The following DLG5 variants were observed in gnomAD, a reference collection of about 807,000 sequenced individuals.
DLG5 encodes discs large MAGUK scaffold protein 5.
Under a neutral mutation model 189.8 loss-of-function variants are expected in DLG5, and 48 were observed. That is an observed-to-expected ratio of 0.25 (90% CI 0.20 to 0.32). The LOEUF is 0.32. Among genes scored for constraint, DLG5 ranks in the 10% least tolerant of loss-of-function variants. The pLI, the probability that DLG5 is intolerant of heterozygous loss-of-function variation, is 1.00. For synonymous variants in DLG5, 1,016 were observed against 1,054.1 expected, an observed-to-expected ratio of 0.96 and a Z score of 0.70; for missense variants, 2,160 against 2,544.7, an observed-to-expected ratio of 0.85 and a Z score of 3.25.
chr10:77,819,504 C>T, intron 16 of DLG5, 39 bp from the exon 17 acceptor site: 2 of 1,587,144 alleles, frequency 1.3e-6, no homozygotes, highest in East Asian at 2.2e-5. Context: ...CCCCAAAGGA[C>T]CCAGCCAGCC....
At chr10:77,820,132 G>T in intron 15 of DLG5, 114 bp from the exon 16 acceptor site, 1 of 1,448,006 alleles carries the variant, frequency 6.9e-7, no homozygotes, top group Non-Finnish European at 9.2e-7. Flanking sequence ...GATCACCTAA[G>T]GTCAGGAGTT....
intron 1 of DLG5, among the ~76,000 whole-genome samples, chr10:77,898,637 A>G (rs189203212): frequency 6.6e-6 from 1 of 152,208 alleles, no homozygotes; most frequent in African/African-American, 2.4e-5. Flanking sequence ...TCCTGACGGC[A>G]CACGAGTCAC....
chr10:77,817,180 G>T, intron 18 of DLG5, 84 bp from the exon 19 acceptor site: 1 of 1,247,318 alleles, frequency 8.0e-7, no homozygotes, highest in Non-Finnish European at 1.2e-6. Context: ...TACCAGTCAG[G>T]ATAATAAATG....
At chr10:77,880,962 CTTTTTTTTTTTTTTTT>C (rs61636782) in intron 1 of DLG5, among the ~76,000 whole-genome samples, 1 of 73,238 alleles carries the variant, frequency 1.4e-5, no homozygotes, top group Non-Finnish European at 2.4e-5. Flanking sequence ...AACCCTAGAC[CTTTTTTTTTTTTTTTT>C]TTTTTTTTTT....
At position 77,869,209 on chromosome 10, in the gene DLG5, G is replaced by A; in HGVS notation, c.305-12C>T. 6.2e-7 allele frequency: 1 copy of A among 1,613,348 alleles called. No homozygotes were observed. The highest frequency in any genetic ancestry group is 8.5e-7 in the Non-Finnish European group (1 of 1,179,596). Reference sequence around the variant, plus strand: ...GCTGTAGGTAGAACCTGGGGAAAGAGGGGAGACCATGTTACTAACCCCAAG... The same window carrying A: ...GCTGTAGGTAGAACCTGGGGAAAGAAGGGAGACCATGTTACTAACCCCAAG... On this transcript the variant is annotated splice_polypyrimidine_tract_variant and intron_variant, in intron 1 of 31. Coordinates refer to ENST00000372391, the MANE Select transcript of DLG5 (RefSeq NM_004747.4).
intron 2 of DLG5, among the ~76,000 whole-genome samples, chr10:77,864,406 C>A (rs190292178): frequency 6.6e-6 from 1 of 152,146 alleles, no homozygotes; most frequent in Non-Finnish European, 1.5e-5. Flanking sequence ...TCCTCACCTA[C>A]AACTCAGGAC....
chr10:77,854,170 G>C (rs563675738), intron 4 of DLG5, 57 bp downstream of exon 4: 2 of 1,590,448 alleles, frequency 1.3e-6, no homozygotes, highest in East Asian at 4.5e-5. Flanking sequence ...GAGAAAAGAA[G>C]GGCAAAGGCA....
intron 16 of DLG5, 30 bp downstream of exon 16, chr10:77,819,865 T>TCAGCCC (rs1482810085): frequency 6.6e-7 from 1 of 1,526,112 alleles, no homozygotes; most frequent in Admixed American, 2.1e-5. Context: ...ACACCGACCC[T>TCAGCCC]CAGCCCCAGC....
intron 2 of DLG5, among the ~76,000 whole-genome samples, chr10:77,860,447 G>A (rs1036927883): frequency 2.6e-5 from 4 of 152,118 alleles, no homozygotes; most frequent in Admixed American, 1.3e-4. Context: ...ACAGGCATGC[G>A]CCACCATGCC....
intron 7 of DLG5, among the ~76,000 whole-genome samples, chr10:77,839,613 C>T (rs982539317): frequency 3.3e-5 from 5 of 152,182 alleles, no homozygotes; most frequent in Non-Finnish European, 7.3e-5. Context: ...GTTACTGACT[C>T]GGTCATTTTC....
chr10:77,858,754 T>C (rs1844353821), intron 2 of DLG5, among the ~76,000 whole-genome samples: 1 of 152,182 alleles, frequency 6.6e-6, no homozygotes, highest in African/African-American at 2.4e-5. Flanking sequence ...ATTTGTGTCT[T>C]AGTTTTTAAC....
Position 77,829,405 on chromosome 10 carries a change from A to G in DLG5, c.2135T>C (p.Leu712Pro), listed in dbSNP as rs1842797213. The G allele has an allele frequency of 6.2e-7, 1 of 1,614,200 alleles. No homozygotes were observed. The highest frequency in any genetic ancestry group is 8.5e-7 in the Non-Finnish European group (1 of 1,180,042). Residue 712 changes from leucine to proline, a missense_variant, in exon 12 of 32, where the codon CTG becomes CCG. Leu to Pro is a moderately conservative substitution (Grantham distance 98). This residue lies in a region of DLG5 where 107 missense variants were observed against 214.5 expected (regional missense o/e 0.50). Coordinates refer to ENST00000372391, the MANE Select transcript of DLG5 (RefSeq NM_004747.4). The stretch of plus-strand genomic sequence containing the variant: ...CAGCGGCGTGACCACCTTCCCACCC[A>G]GGGACTTCCTCCGCCGCACGACCAT... Reference protein sequence around the residue: ...INMVVRRRKSLGGKVVTPLHI... With the variant: ...INMVVRRRKSPGGKVVTPLHI...
At chr10:77,932,947 T>A in the DLG5 span, among the ~76,000 whole-genome samples, 1 of 152,162 alleles carries the variant, frequency 6.6e-6, no homozygotes, top group East Asian at 1.9e-4. Flanking sequence ...AAATATGTTC[T>A]TTGGGTAATA....
chr10:77,873,055 G>A (rs904142435), intron 1 of DLG5, among the ~76,000 whole-genome samples: 2 of 151,308 alleles, frequency 1.3e-5, no homozygotes, highest in Non-Finnish European at 2.9e-5. Flanking sequence ...ACACACACGA[G>A]AGGAGGGCAC....
At chr10:77,820,935 A>AC (rs1416320530) in intron 15 of DLG5, 147 bp downstream of exon 15, 32 of 1,082,392 alleles carry the variant, frequency 3.0e-5, no homozygotes, top group Non-Finnish European at 4.1e-5. Flanking sequence ...TAGCTGGGCC[A>AC]CTTCCCACTT....
chr10:77,874,889 A>T (rs1374813631), intron 1 of DLG5, among the ~76,000 whole-genome samples: 4 of 152,200 alleles, frequency 2.6e-5, no homozygotes, highest in African/African-American at 9.6e-5. Flanking sequence ...GCTGTACTAG[A>T]GTGACAAGTC....
At chr10:77,810,852 A>T (rs572906816) in intron 23 of DLG5, among the ~76,000 whole-genome samples, 46 of 152,378 alleles carry the variant, frequency 3.0e-4, no homozygotes, top group Non-Finnish European at 6.0e-4. Flanking sequence ...GAAAAGGAGA[A>T]GAGAAAGAGA....
chr10:77,899,700 C>T (rs547358696), intron 1 of DLG5, among the ~76,000 whole-genome samples: 20 of 152,320 alleles, frequency 1.3e-4, no homozygotes, highest in Middle Eastern at 3.4e-3. Context: ...TATAGGTTCG[C>T]TCAGGGGTAG....
intron 17 of DLG5, among the ~76,000 whole-genome samples, 153 bp downstream of exon 17, chr10:77,819,168 A>G (rs888916610): frequency 6.6e-6 from 1 of 152,202 alleles, no homozygotes. Flanking sequence ...AAGCAGCCCT[A>G]AGGCTCCCTT....
Sources: allele counts gnomAD v4.1 joint callset (sites outside exome capture counted in the v4.1 genomes callset), GRCh38; gene constraint gnomAD v4.1.1; regional missense constraint gnomAD v4.1.1; transcripts MANE v1.5; gene names NCBI Gene and HGNC (gene_info 2026-07-23, HGNC 2026-07-21).